THSD4: variants seen among roughly 807,000 people sequenced by gnomAD.
The protein encoded by THSD4 is thrombospondin type-1 domain-containing protein 4.
In THSD4, 69 loss-of-function variants were observed where a neutral mutation model predicts 119.0. The ratio of observed to expected loss-of-function variants is 0.58; its 90% CI spans 0.48 to 0.71. The LOEUF (loss-of-function observed/expected upper bound fraction) is 0.71, where lower values mean the gene tolerates loss of function less well. Ranked by LOEUF, THSD4 falls within the 30% of genes least tolerant of loss-of-function variation. THSD4 has a pLI of 0.00. For synonymous variants in THSD4, 524 were observed against 540.4 expected (o/e 0.97, Z 0.42); for missense variants, 1,393 against 1,391.1 (o/e 1.00, Z -0.02).
intron 4 of THSD4, among the ~76,000 whole-genome samples, chr15:71,231,376 C>T (rs1053996338): frequency 6.6e-6 from 1 of 152,100 alleles, no homozygotes; most frequent in Non-Finnish European, 1.5e-5. Context: ...ACGGGTGGGT[C>T]ACTGAGTATA....
intron 7 of THSD4, among the ~76,000 whole-genome samples, chr15:71,420,996 C>T (rs1360071378): frequency 2.0e-5 from 2 of 100,300 alleles, no homozygotes; most frequent in African/African-American, 3.4e-5. Flanking sequence ...GGTGAAACCC[C>T]ATCTCTACTA....
At chr15:71,532,840 T>C (rs1369776405) in intron 7 of THSD4, among the ~76,000 whole-genome samples, 3 of 152,198 alleles carry the variant, frequency 2.0e-5, no homozygotes, top group African/African-American at 7.2e-5. Flanking sequence ...AGAAGGAGTG[T>C]GTTGAAGACC....
chr15:71,396,562 G>A (rs1341712069), intron 6 of THSD4, among the ~76,000 whole-genome samples: 1 of 152,140 alleles, frequency 6.6e-6, no homozygotes, highest in African/African-American at 2.4e-5. Flanking sequence ...TCATCTTGCT[G>A]GAGGATACGT....
chr15:71,559,641 A>G (rs1311970682), intron 7 of THSD4, among the ~76,000 whole-genome samples: 1 of 151,954 alleles, frequency 6.6e-6, no homozygotes, highest in Non-Finnish European at 1.5e-5. Flanking sequence ...CTTCCCATAA[A>G]ATGGGAAGAA....
chr15:71,641,493 T>C (rs567724261), intron 7 of THSD4, among the ~76,000 whole-genome samples: 1 of 152,202 alleles, frequency 6.6e-6, no homozygotes, highest in African/African-American at 2.4e-5. Flanking sequence ...TTTCTTTTTG[T>C]GCTTTAAATT....
chr15:71,246,886 CT>C (rs67700872), intron 5 of THSD4, among the ~76,000 whole-genome samples: 3,529 of 114,454 alleles, frequency 0.031, 98 homozygotes, highest in African/African-American at 0.11. Flanking sequence ...GGTCCAAAGT[CT>C]TTTTTTTTTT....
chr15:71,309,013 T>C (rs563562541), intron 6 of THSD4, among the ~76,000 whole-genome samples: 1 of 152,316 alleles, frequency 6.6e-6, no homozygotes, highest in South Asian at 2.1e-4. Flanking sequence ...GCAGTGGCAC[T>C]ATCTCGGCTC....
chr15:71,561,896 ACACACACACACACACACACACAC>A (rs1227690663), intron 7 of THSD4, among the ~76,000 whole-genome samples: 4 of 101,230 alleles, frequency 4.0e-5, no homozygotes, highest in Non-Finnish European at 6.0e-5. Context: ...ACACACACAC[ACACACACACACACACACACACAC>A]AAACACTCAC....
In THSD4 at chr15:71,418,222, G is replaced by A. The variant is rs575607708; in HGVS notation, c.1152+6399G>A. ...CTGCAAACAAGGGTAATTTGGCTTC[G>A]TCCTTTCCAATTTGGATGCCCTTTA... On this transcript the variant is annotated intron_variant, in intron 7 of 17. Coordinates refer to ENST00000261862, the MANE Select transcript of THSD4 (RefSeq NM_024817.3). Among the ~76,000 whole-genome samples, 35 of 107,594 alleles carry A rather than the reference G, an allele frequency of 3.3e-4. 12 individuals carry two copies. The South Asian group carries it at 8.9e-3, about 27-fold the overall frequency. 70.6% of individuals were successfully genotyped at this position (107,594 alleles called of 152,430 possible). A position where few individuals can be genotyped will look rare whatever the true frequency, so the allele number is the denominator to read the frequency against.
intron 6 of THSD4, among the ~76,000 whole-genome samples, chr15:71,337,039 A>C (rs761851687): frequency 1.2e-4 from 18 of 152,144 alleles, no homozygotes; most frequent in African/African-American, 1.7e-4. Context: ...GCGTGCATGC[A>C]TGTGCTTTGT....
intron 7 of THSD4, among the ~76,000 whole-genome samples, chr15:71,478,344 A>G (rs926727049): frequency 1.3e-5 from 2 of 152,326 alleles, no homozygotes; most frequent in African/African-American, 4.8e-5. Context: ...GTATTATTAC[A>G]TATATTTATG....
At chr15:71,297,315 C>CTTTTTTTTTTTTTTTT (rs772196153) in intron 6 of THSD4, among the ~76,000 whole-genome samples, 35 of 137,578 alleles carry the variant, frequency 2.5e-4, no homozygotes, top group Middle Eastern at 3.8e-3. Context: ...CTCTCCTCTT[C>CTTTTTTTTTTTTTTTT]TTTTTTTTGT....
intron 6 of THSD4, among the ~76,000 whole-genome samples, chr15:71,308,412 T>C (rs907001408): frequency 4.6e-5 from 7 of 152,226 alleles, no homozygotes; most frequent in African/African-American, 1.4e-4. Context: ...AGGGTGCTTA[T>C]TGAAATATGG....
chr15:71,361,990 G>A (rs2045897429), intron 6 of THSD4, among the ~76,000 whole-genome samples: 1 of 152,224 alleles, frequency 6.6e-6, no homozygotes. Context: ...TCAAAATAAT[G>A]AGTGGAACTG....
At chr15:71,232,689 G>GA (rs2044071039) in intron 4 of THSD4, among the ~76,000 whole-genome samples, 1 of 152,190 alleles carries the variant, frequency 6.6e-6, no homozygotes, top group South Asian at 2.1e-4. Flanking sequence ...CAGGGGAAGG[G>GA]AGACGAAGAC....
intron 7 of THSD4, among the ~76,000 whole-genome samples, chr15:71,613,265 G>A (rs958722780): frequency 5.3e-5 from 8 of 152,232 alleles, no homozygotes; most frequent in Middle Eastern, 6.8e-3. Context: ...CATAAGGCTC[G>A]CTGGCATAGT....
At chr15:71,759,972 T>C (rs2053603381) in intron 15 of THSD4, among the ~76,000 whole-genome samples, 1 of 152,172 alleles carries the variant, frequency 6.6e-6, no homozygotes, top group Non-Finnish European at 1.5e-5. Context: ...CTGCTGGAAA[T>C]TCCCTGCCCT....
chr15:71,668,654 T>C (rs1057079564), intron 8 of THSD4, among the ~76,000 whole-genome samples: 2 of 152,138 alleles, frequency 1.3e-5, no homozygotes, highest in Non-Finnish European at 2.9e-5. Flanking sequence ...GTCTTCATTG[T>C]GGAATTGGAG....
chr15:71,269,795 A>T (rs891334044), intron 6 of THSD4, among the ~76,000 whole-genome samples: 1 of 152,212 alleles, frequency 6.6e-6, no homozygotes, highest in African/African-American at 2.4e-5. Context: ...AAGCTTTCTT[A>T]TACACCAATA....
Sources: gnomAD v4.1 joint callset for allele counts (sites outside exome capture counted in the v4.1 genomes callset) on GRCh38, gnomAD v4.1.1 for gene constraint, MANE v1.5 for transcripts, NCBI Gene and HGNC (gene_info 2026-07-23, HGNC 2026-07-21) for gene names.